The following TUBB3 variants were observed in gnomAD, a reference collection of about 807,000 sequenced individuals.
The protein encoded by TUBB3 is tubulin beta 3 class III, also known as tubulin beta-3 chain.
TUBB3 carries 17 observed loss-of-function variants against 37.8 expected under a neutral mutation model. The ratio of observed to expected loss-of-function variants is 0.45; its 90% CI spans 0.31 to 0.67. The LOEUF (loss-of-function observed/expected upper bound fraction) is 0.67, where lower values mean the gene tolerates loss of function less well. Ranked by LOEUF, TUBB3 falls within the 30% of genes least tolerant of loss-of-function variation. TUBB3 has a pLI of 0.07. For missense variants in TUBB3, 262 were observed against 657.9 expected (o/e 0.40, Z 6.58); for synonymous variants, 332 against 278.9 (o/e 1.19, Z -1.90).
At chr16:89,933,928 T>C in intron 3 of TUBB3, 1 of 618,256 alleles carries the variant, frequency 1.6e-6, no homozygotes, top group Admixed American at 2.6e-5. Context: ...CCCATGCCTG[T>C]GTCCTGGGGT....
intron 1 of TUBB3, among the ~76,000 whole-genome samples, chr16:89,924,650 C>A (rs1367250671): frequency 6.6e-6 from 1 of 151,996 alleles, no homozygotes; most frequent in Non-Finnish European, 1.5e-5. Flanking sequence ...TACAACAGGG[C>A]CAGCCACGTG....
At chr16:89,922,910 A>G (rs1415616188), upstream of TUBB3, among the ~76,000 whole-genome samples, 1 of 152,244 alleles carries the variant, frequency 6.6e-6, no homozygotes, top group Non-Finnish European at 1.5e-5. Context: ...TTGTCTGCCA[A>G]AAGACAGGGA....
At chr16:89,926,602 C>G (rs911509403) in intron 1 of TUBB3, among the ~76,000 whole-genome samples, 2 of 152,266 alleles carry the variant, frequency 1.3e-5, no homozygotes, top group Non-Finnish European at 2.9e-5. Flanking sequence ...GAGAGGAGGC[C>G]TGGCTCTGTC....
intron 1 of TUBB3, among the ~76,000 whole-genome samples, chr16:89,925,425 C>CT (rs1461961783): frequency 1.6e-5 from 2 of 126,598 alleles, no homozygotes; most frequent in East Asian, 4.4e-4. Context: ...AACTCCGTTT[C>CT]TTAAAAAAAA....
intron 3 of TUBB3, 58 bp downstream of exon 3, chr16:89,933,636 C>G: frequency 7.3e-7 from 1 of 1,366,590 alleles, no homozygotes; most frequent in Non-Finnish European, 1.0e-6. Flanking sequence ...AAGCCCAGGT[C>G]GGTGGACGGG....
chr16:89,933,043 T>C, intron 2 of TUBB3: 1 of 468,532 alleles, frequency 2.1e-6, no homozygotes, highest in Non-Finnish European at 4.0e-6. Context: ...TGAAGTGATT[T>C]CCATATCAAA....
At chr16:89,934,145 G>A (rs1416854319) in intron 3 of TUBB3, 3 of 335,246 alleles carry the variant, frequency 8.9e-6, no homozygotes, top group Non-Finnish European at 1.7e-5. Flanking sequence ...TCCTGGGGCG[G>A]GGCCGTGGAT....
At chr16:89,923,955 C>T (rs1019201252) in intron 1 of TUBB3, among the ~76,000 whole-genome samples, 1 of 152,158 alleles carries the variant, frequency 6.6e-6, no homozygotes, top group Non-Finnish European at 1.5e-5. Flanking sequence ...ATTTCCCCAG[C>T]CTGCTCCGAC....
chr16:89,930,014 CCCTTCCTTCCTTCCTTCCTTCCTTCCTT>C, intron 1 of TUBB3, among the ~76,000 whole-genome samples: 1 of 141,574 alleles, frequency 7.1e-6, no homozygotes, highest in Middle Eastern at 3.7e-3. Flanking sequence ...CAGTTTTCTC[CCCTTCCTTCCTTCCTTCCTTCCTTCCTT>C]CCTTCCTTCC....
In TUBB3 at chr16:89,929,494, A is replaced by G. The variant is rs1017438939; in HGVS notation, c.58-3077A>G. ...CCATGCTGTCCGCGTTACAATAATT[A>G]CACTATGTTTATTCTTAAGGTTTTA... On this transcript the variant is annotated intron_variant, in intron 1 of 3. Coordinates refer to ENST00000315491, the MANE Select transcript of TUBB3 (RefSeq NM_006086.4). 3.9e-5 allele frequency among the ~76,000 whole-genome samples: 6 copies of G among 152,268 alleles called. No individual in the cohort carries two copies. The East Asian group carries it at 1.2e-3, about 29-fold the overall frequency.
chr16:89,927,378 C>T (rs7191759), intron 1 of TUBB3, among the ~76,000 whole-genome samples: 51,752 of 150,516 alleles, frequency 0.34, 9,496 homozygotes, highest in East Asian at 0.64. Context: ...GAGCAAGACC[C>T]TATCTAAAAA....
chr16:89,933,584 T>G lies in TUBB3; in HGVS notation c.277+6T>G, dbSNP rs746488710. 3 of 1,609,288 alleles carry G rather than the reference T, an allele frequency of 1.9e-6. No homozygotes were observed. The highest frequency in any genetic ancestry group is 2.7e-5 in the African/African-American group (2 of 74,820). On this transcript the variant is annotated splice_donor_region_variant and intron_variant, in intron 3 of 3. Coordinates refer to ENST00000315491, the MANE Select transcript of TUBB3 (RefSeq NM_006086.4). Reference sequence around the variant, plus strand: ...GCCTGACAATTTCATCTTTGGTAAGTTCCCCCTGCTCCAAGCTCTGATGGC... The same window carrying G: ...GCCTGACAATTTCATCTTTGGTAAGGTCCCCCTGCTCCAAGCTCTGATGGC...
intron 1 of TUBB3, among the ~76,000 whole-genome samples, chr16:89,930,408 T>C (rs11863403): frequency 0.21 from 30,909 of 150,554 alleles, 5,695 homozygotes; most frequent in African/African-American, 0.5. Context: ...CAGCTATGAG[T>C]GGTTTTGTTT....
At chr16:89,933,621 C>A in intron 3 of TUBB3, 43 bp downstream of exon 3, 1 of 1,468,016 alleles carries the variant, frequency 6.8e-7, no homozygotes, top group Non-Finnish European at 9.6e-7. Flanking sequence ...GACCCCATCA[C>A]AGGCAAGCCC....
At position 89,934,488 on chromosome 16, in the gene TUBB3, G is replaced by A. The variant is rs761501617; in HGVS notation, c.278-241G>A. ...GGATCCCCTCAGGAGGCAGAGCCTC[G>A]CTCTGCTGTGACCCCAAGTTCTCAA... On this transcript the variant is annotated intron_variant, in intron 3 of 3. Coordinates refer to ENST00000315491, the MANE Select transcript of TUBB3 (RefSeq NM_006086.4). 24 of 634,056 alleles carry A rather than the reference G, an allele frequency of 3.8e-5. 1 individual carries two copies. Among genetic ancestry groups the A allele is most frequent in the South Asian group, 3.3e-4 (21 of 63,116 alleles). The allele number at this position is 634,056 out of a possible 1,614,324, so 39.3% of individuals were successfully genotyped here. A position where few individuals can be genotyped will look rare whatever the true frequency, so the allele number is the denominator to read the frequency against.
At chr16:89,929,762 C>CGCG (rs2030214938) in intron 1 of TUBB3, among the ~76,000 whole-genome samples, 1 of 152,268 alleles carries the variant, frequency 6.6e-6, no homozygotes, top group African/African-American at 2.4e-5. Flanking sequence ...AGTGCAGTGG[C>CGCG]ATGACATAAG....
intron 1 of TUBB3, among the ~76,000 whole-genome samples, chr16:89,931,360 C>T (rs1032720899): frequency 6.6e-6 from 1 of 152,248 alleles, no homozygotes; most frequent in African/African-American, 2.4e-5. Context: ...TACCCGTCAG[C>T]TCATCTAAAA....
chr16:89,926,177 G>C (rs1355540187), intron 1 of TUBB3, among the ~76,000 whole-genome samples: 1 of 152,202 alleles, frequency 6.6e-6, no homozygotes, highest in Non-Finnish European at 1.5e-5. Flanking sequence ...CTCCCTCCCC[G>C]GGGCGGGGTT....
Position 89,932,450 on chromosome 16 carries a change from C to G in TUBB3, c.58-121C>G, listed in dbSNP as rs1020996354. 3.9e-5 allele frequency: 30 copies of G among 760,508 alleles called. No homozygotes were observed. The African/African-American group carries it at 4.3e-4, about 11-fold the overall frequency. 47.1% of individuals were successfully genotyped at this position (760,508 alleles called of 1,614,324 possible). Reference sequence around the variant, plus strand: ...GTGGGGCTCTCTTCTGAATGGGGCTCGTGGAGGCCGTGGGTCAAAAGCCCT... The same window carrying G: ...GTGGGGCTCTCTTCTGAATGGGGCTGGTGGAGGCCGTGGGTCAAAAGCCCT... On this transcript the variant is annotated intron_variant, in intron 1 of 3. Coordinates refer to ENST00000315491, the MANE Select transcript of TUBB3 (RefSeq NM_006086.4).
Sources: allele counts gnomAD v4.1 joint callset (sites outside exome capture counted in the v4.1 genomes callset), GRCh38; gene constraint gnomAD v4.1.1; transcripts MANE v1.5; gene names NCBI Gene and HGNC (gene_info 2026-07-23, HGNC 2026-07-21).